The following IPPK variants were observed in gnomAD, a reference collection of about 807,000 sequenced individuals.
The protein encoded by IPPK is inositol-pentakisphosphate 2-kinase.
A neutral mutation model predicts 64.6 loss-of-function variants in IPPK; 22 were observed. The ratio of observed to expected loss-of-function variants is 0.34; its 90% CI spans 0.24 to 0.49. The LOEUF (loss-of-function observed/expected upper bound fraction) is 0.49, where lower values mean the gene tolerates loss of function less well. IPPK is among the 20% of genes least tolerant of loss of function. The probability of loss-of-function intolerance (pLI) is 0.99; values close to 1 mark genes in which losing one functional copy is unlikely to be tolerated. For missense variants in IPPK, 532 were observed against 630.7 expected, an observed-to-expected ratio of 0.84 and a Z score of 1.68; for synonymous variants, 262 against 247.2, an observed-to-expected ratio of 1.06 and a Z score of -0.56.
rs1167100625 is a variant in IPPK at position 92,614,481 on chromosome 9, T to C, written c.*1351A>G. 2 of 152,640 alleles carry C rather than the reference T, an allele frequency of 1.3e-5. No individual in the cohort carries two copies. The highest frequency in any genetic ancestry group is 4.1e-4 in the South Asian group (2 of 4,836). The allele number at this position is 152,640 out of a possible 1,614,324, so 9.5% of individuals were successfully genotyped here. A position where few individuals can be genotyped will look rare whatever the true frequency, so the allele number is the denominator to read the frequency against. ...AAAACAGTAAAAGTGTCCAGTTAGA[T>C]AAGTATCTTTTTGCACCTCTGAGAG... On this transcript the variant is annotated 3_prime_UTR_variant, in exon 13 of 13. Coordinates refer to ENST00000287996, the MANE Select transcript of IPPK (RefSeq NM_022755.6).
chr9:92,619,377 G>T, intron 12 of IPPK, 109 bp downstream of exon 12: 1 of 856,208 alleles, frequency 1.2e-6, no homozygotes, highest in Non-Finnish European at 1.9e-6. Flanking sequence ...ATGTCACTCC[G>T]CCATGGAGTC....
chr9:92,662,644 C>T (rs1564043162), intron 1 of IPPK, among the ~76,000 whole-genome samples: 2 of 152,138 alleles, frequency 1.3e-5, no homozygotes, highest in African/African-American at 4.8e-5. Context: ...CCAAGCCACA[C>T]CTTTATGTCT....
At chr9:92,639,777 C>T (rs1173623971) in intron 8 of IPPK, among the ~76,000 whole-genome samples, 1 of 152,216 alleles carries the variant, frequency 6.6e-6, no homozygotes, top group East Asian at 1.9e-4. Context: ...TGAAATATGT[C>T]TTCCTTTCCT....
intron 8 of IPPK, among the ~76,000 whole-genome samples, chr9:92,639,462 C>T (rs1053145171): frequency 2.0e-5 from 3 of 152,132 alleles, no homozygotes; most frequent in Admixed American, 6.5e-5. Flanking sequence ...CATGCCTTGG[C>T]GGTGCCCTGT....
chr9:92,641,864 G>A (rs751755571), intron 7 of IPPK, among the ~76,000 whole-genome samples: 1 of 152,164 alleles, frequency 6.6e-6, no homozygotes, highest in Non-Finnish European at 1.5e-5. Context: ...GAGAAAAACC[G>A]GACTCACCAG....
chr9:92,614,365 G>C lies in IPPK; in HGVS notation c.*1467C>G, dbSNP rs575680608. On this transcript the variant is annotated 3_prime_UTR_variant, in exon 13 of 13. Transcript: ENST00000287996. Reference sequence around the variant, plus strand: ...ACCTCCACGCTTCCCAGAGCCTGCGGCTTGTCCGTGAGCTCCGTGCACTTC... The same window carrying C: ...ACCTCCACGCTTCCCAGAGCCTGCGCCTTGTCCGTGAGCTCCGTGCACTTC... The C allele has an allele frequency of 6.6e-6, 1 of 152,502 alleles. No homozygotes were observed. The highest frequency in any genetic ancestry group is 1.5e-5 in the Non-Finnish European group (1 of 68,144). 9.4% of individuals were successfully genotyped at this position (152,502 alleles called of 1,614,324 possible). A position where few individuals can be genotyped will look rare whatever the true frequency, so the allele number is the denominator to read the frequency against.
intron 3 of IPPK, among the ~76,000 whole-genome samples, chr9:92,654,504 G>C (rs991450626): frequency 6.6e-6 from 1 of 152,136 alleles, no homozygotes; most frequent in African/African-American, 2.4e-5. Context: ...CTGGGTGACA[G>C]AGCAAGATAA....
intron 11 of IPPK, 147 bp from the exon 12 acceptor site, chr9:92,619,712 G>T (rs41266681): frequency 1.4e-6 from 1 of 716,262 alleles, no homozygotes; most frequent in Non-Finnish European, 2.4e-6. Context: ...CGGTGAGCAC[G>T]GGCGTCAGGA....
At chr9:92,660,140 A>G (rs1852452702) in intron 1 of IPPK, among the ~76,000 whole-genome samples, 1 of 152,050 alleles carries the variant, frequency 6.6e-6, no homozygotes, top group African/African-American at 2.4e-5. Context: ...CGTTCCCCTA[A>G]AAGTGCATTT....
At position 92,613,199 on chromosome 9, in the gene IPPK, C is replaced by A; in HGVS notation, c.*2633G>T. 1 of 1,608,188 alleles carries A rather than the reference C, an allele frequency of 6.2e-7. No individual in the cohort carries two copies. Among genetic ancestry groups the A allele is most frequent in the Non-Finnish European group, 8.5e-7 (1 of 1,175,076 alleles). ...TGAAGATGCTGCGTGGAGGAACATG[C>A]AATTTTATTCAATATAAACATTTGC... is the stretch of plus-strand genomic sequence containing the variant. On this transcript the variant is annotated 3_prime_UTR_variant, in exon 13 of 13. Transcript: ENST00000287996.
In IPPK at chr9:92,619,535, T is replaced by C. The variant is rs1200923149; in HGVS notation, c.1201A>G (p.Lys401Glu). ...VQQYRVAMTAKDCSIMIALSP... is the reference protein window; with the variant it reads ...VQQYRVAMTAEDCSIMIALSP... ...AGTGCAATCATGATGGAGCAGTCCTTGGCAGTCATGGCGACGCGGTACTGC... is the reference window on the plus strand; with the variant it reads ...AGTGCAATCATGATGGAGCAGTCCTCGGCAGTCATGGCGACGCGGTACTGC... The change falls in exon 12 of 13, where the codon AAG (lysine) becomes GAG (glutamate). Residue 401 changes from lysine (K) to glutamate (E), a missense_variant. Physicochemically the swap from Lys to Glu is moderately conservative, Grantham distance 56 (BLOSUM62 1). Transcript: ENST00000287996. 2 of 1,590,972 alleles carry C rather than the reference T, an allele frequency of 1.3e-6. No individual in the cohort carries two copies. The highest frequency in any genetic ancestry group is 2.3e-5 in the East Asian group (1 of 44,236).
At chr9:92,654,956 T>C (rs1406068145) in intron 3 of IPPK, among the ~76,000 whole-genome samples, 1 of 152,250 alleles carries the variant, frequency 6.6e-6, no homozygotes, top group Non-Finnish European at 1.5e-5. Context: ...GTGGAACTCC[T>C]GAGCCTTCAG....
chr9:92,653,981 C>T (rs768342761), intron 3 of IPPK, among the ~76,000 whole-genome samples: 7 of 152,214 alleles, frequency 4.6e-5, no homozygotes, highest in South Asian at 4.1e-4. Flanking sequence ...TGAGAACCAT[C>T]GCCCAAAACC....
Position 92,638,202 on chromosome 9 carries a change from GCTTCAGGTGGTGTGCAA to G in IPPK, c.698_714del (p.Leu233ProfsTer62). 6.2e-7 allele frequency: 1 copy of G among 1,614,254 alleles called. No homozygotes were observed. The highest frequency in any genetic ancestry group is 8.5e-7 in the Non-Finnish European group (1 of 1,180,046). On this transcript the variant is annotated frameshift_variant, in exon 9 of 13. Transcript: ENST00000287996. LOFTEE classifies it high-confidence loss of function. ...AGGCCGTTGGAAGGGAAGAAGAACGGCTTCAGGTGGTGTGCAAGCTCGCTCCAGTCAGCCACGGGGCT... is the reference window on the plus strand; with the variant it reads ...AGGCCGTTGGAAGGGAAGAAGAACGGGCTCGCTCCAGTCAGCCACGGGGCT...
intron 11 of IPPK, among the ~76,000 whole-genome samples, chr9:92,627,893 G>A (rs368489916): frequency 2.0e-5 from 3 of 152,102 alleles, no homozygotes; most frequent in East Asian, 3.8e-4. Context: ...AATTGGAAAC[G>A]AAGAAGCAAA....
chr9:92,655,706 G>C (rs1852359203), intron 3 of IPPK, among the ~76,000 whole-genome samples: 1 of 152,186 alleles, frequency 6.6e-6, no homozygotes, highest in Admixed American at 6.5e-5. Context: ...GAGAAAACTT[G>C]TCACGGCACA....
chr9:92,626,372 G>A (rs923525351), intron 11 of IPPK, among the ~76,000 whole-genome samples: 2 of 152,118 alleles, frequency 1.3e-5, no homozygotes, highest in African/African-American at 4.8e-5. Context: ...ACTCCAGCCC[G>A]GGTGACAGAG....
intron 1 of IPPK, among the ~76,000 whole-genome samples, chr9:92,662,582 T>C (rs1286287438): frequency 6.6e-6 from 1 of 151,572 alleles, no homozygotes; most frequent in East Asian, 1.9e-4. Flanking sequence ...TTGATACTTC[T>C]GCAGTCTGAG....
At chr9:92,650,665 A>C (rs1852248503) in intron 4 of IPPK, among the ~76,000 whole-genome samples, 1 of 152,152 alleles carries the variant, frequency 6.6e-6, no homozygotes, top group South Asian at 2.1e-4. Context: ...ATAAAACATA[A>C]CCATAAGTAA....
Sources: allele counts gnomAD v4.1 joint callset (sites outside exome capture counted in the v4.1 genomes callset), GRCh38; gene constraint gnomAD v4.1.1; transcripts MANE v1.5; gene names NCBI Gene and HGNC (gene_info 2026-07-23, HGNC 2026-07-21).